The following STAU1 variants were observed in gnomAD, a reference collection of about 807,000 sequenced individuals.
STAU1 encodes double-stranded RNA-binding protein Staufen homolog 1.
In STAU1, 13 loss-of-function variants were observed where a neutral mutation model predicts 62.9. The ratio of observed to expected loss-of-function variants is 0.21; its 90% CI spans 0.13 to 0.33. The LOEUF is 0.33. Ranked by LOEUF, STAU1 falls within the 10% of genes least tolerant of loss-of-function variation. STAU1 has a pLI of 1.00. For missense variants in STAU1, 571 were observed against 712.1 expected (o/e 0.80, Z 2.25); for synonymous variants, 269 against 265.1 (o/e 1.01, Z -0.14).
the STAU1 span, among the ~76,000 whole-genome samples, chr20:49,204,224 A>T: frequency 6.6e-6 from 1 of 151,846 alleles, no homozygotes; most frequent in Non-Finnish European, 1.5e-5. Context: ...CCCAGGCTTA[A>T]GCAATCCTCC....
chr20:49,212,255 A>G, the STAU1 span, among the ~76,000 whole-genome samples: 1 of 152,094 alleles, frequency 6.6e-6, no homozygotes, highest in Admixed American at 6.6e-5. Context: ...TCCCAAAGTT[A>G]TGGGATTACA....
intron 5 of STAU1, among the ~76,000 whole-genome samples, chr20:49,148,522 G>A (rs571951036): frequency 1.3e-5 from 2 of 152,272 alleles, no homozygotes; most frequent in African/African-American, 4.8e-5. Flanking sequence ...CTTCAAATAA[G>A]TCTTTTCTGA....
At chr20:49,159,469 T>C (rs2093417394) in intron 3 of STAU1, among the ~76,000 whole-genome samples, 1 of 152,116 alleles carries the variant, frequency 6.6e-6, no homozygotes. Flanking sequence ...TAATAAAAAG[T>C]TAATAAAGGG....
In STAU1 at chr20:49,156,462, T is replaced by C. The variant is rs2093358189; in HGVS notation, c.206-2391A>G. On this transcript the variant is annotated intron_variant, in intron 3 of 13. Transcript: ENST00000371856. ...AGAAACCATTCATATACATACTACA[T>C]GGTACCTCTAGACACACTTTTGAAA... Among the ~76,000 whole-genome samples, 4 of 152,244 alleles carry C rather than the reference T, an allele frequency of 2.6e-5. No homozygotes were observed. The South Asian group carries it at 6.2e-4, about 24-fold the overall frequency.
At position 49,154,040 on chromosome 20, in the gene STAU1, T is replaced by C; in HGVS notation, c.237A>G (p.Ala79=). 1 of 1,610,834 alleles carries C rather than the reference T, an allele frequency of 6.2e-7. No homozygotes were observed. The highest frequency in any genetic ancestry group is 8.5e-7 in the Non-Finnish European group (1 of 1,179,258). ...GTTTTTTTCCAAGTTTCATGCACAG[T>C]GCATTTAGTTCTACAGTAGGGGTTA... ...ESITPTVELN[A]LCMKLGKKPM... is the part of the protein sequence containing the mutation. The change falls in exon 4 of 14, where the codon GCA becomes GCG. Residue 79 remains alanine (A), a synonymous_variant. Coordinates refer to ENST00000371856, the MANE Select transcript of STAU1 (RefSeq NM_017453.4).
intron 6 of STAU1, among the ~76,000 whole-genome samples, chr20:49,126,580 AAAAAAAAC>A (rs2092622662): frequency 8.7e-6 from 1 of 114,942 alleles, no homozygotes; most frequent in African/African-American, 3.3e-5. Context: ...AAAGCAAAAA[AAAAAAAAC>A]AAAAAAAAAA....
intron 2 of STAU1, among the ~76,000 whole-genome samples, chr20:49,170,785 GAAAAAAA>G (rs34699924): frequency 5.2e-5 from 7 of 135,774 alleles, no homozygotes; most frequent in Admixed American, 3.0e-4. Context: ...ATGTGTCTGG[GAAAAAAA>G]AAAAAAAAAA....
chr20:49,219,240 A>G, the STAU1 span: 7 of 1,114,374 alleles, frequency 6.3e-6, no homozygotes, highest in Non-Finnish European at 8.8e-6. Flanking sequence ...GCTTACCTAA[A>G]AAGCTCCGCC....
upstream of STAU1, among the ~76,000 whole-genome samples, chr20:49,189,844 C>T (rs964338314): frequency 2.6e-5 from 4 of 152,084 alleles, no homozygotes; most frequent in Admixed American, 6.6e-5. Context: ...CTCTTGCCAA[C>T]GGAATATAAA....
At chr20:49,173,184 A>G (rs1032290950) in intron 2 of STAU1, among the ~76,000 whole-genome samples, 6 of 144,614 alleles carry the variant, frequency 4.1e-5, no homozygotes, top group Admixed American at 1.4e-4. Flanking sequence ...TAGGCCGGGC[A>G]CAGTGGCTCA....
intron 5 of STAU1, among the ~76,000 whole-genome samples, chr20:49,142,943 C>G (rs986683280): frequency 6.6e-6 from 1 of 152,102 alleles, no homozygotes; most frequent in South Asian, 2.1e-4. Context: ...GCTGAGACTA[C>G]AGGTACATGC....
chr20:49,143,317 T>G (rs894321389), intron 5 of STAU1, among the ~76,000 whole-genome samples: 2 of 152,124 alleles, frequency 1.3e-5, no homozygotes, highest in African/African-American at 2.4e-5. Context: ...AGAGGCCAGG[T>G]GTGATAGCTC....
At chr20:49,137,853 T>G (rs12625869) in intron 5 of STAU1, among the ~76,000 whole-genome samples, 1 of 141,496 alleles carries the variant, frequency 7.1e-6, no homozygotes, top group African/African-American at 2.7e-5. Context: ...TTTTTTTTTG[T>G]ATCTTTAGCA....
intron 5 of STAU1, among the ~76,000 whole-genome samples, chr20:49,139,763 C>T (rs1312069814): frequency 6.6e-6 from 1 of 151,860 alleles, no homozygotes. Context: ...ACCACTCACA[C>T]CCATAAGGAT....
At position 49,170,390 on chromosome 20, in the gene STAU1, G is replaced by A. The variant is rs567082761; in HGVS notation, c.-85+3805C>T. Among the ~76,000 whole-genome samples, 8 of 152,206 alleles carry A rather than the reference G, an allele frequency of 5.3e-5. No individual in the cohort carries two copies. The South Asian group carries it at 1.2e-3, about 24-fold the overall frequency. ...TTTCTGGAGACAGTCTCACTCTGTC[G>A]TCCAGGTTGGAGTGCAGTGGCACGA... On this transcript the variant is annotated intron_variant, in intron 2 of 13. Transcript: ENST00000371856.
chr20:49,164,073 A>T (rs900474822), intron 3 of STAU1, among the ~76,000 whole-genome samples: 2 of 152,030 alleles, frequency 1.3e-5, no homozygotes, highest in Non-Finnish European at 2.9e-5. Context: ...CTCTACTAAA[A>T]ATACAAAACA....
intron 1 of STAU1, among the ~76,000 whole-genome samples, chr20:49,185,516 G>C (rs2093776165): frequency 6.6e-6 from 1 of 152,146 alleles, no homozygotes; most frequent in Non-Finnish European, 1.5e-5. Context: ...ACAAAAATGA[G>C]AACTATTATT....
intron 4 of STAU1, among the ~76,000 whole-genome samples, chr20:49,152,629 C>T (rs1568886601): frequency 6.6e-6 from 1 of 152,054 alleles, no homozygotes; most frequent in Non-Finnish European, 1.5e-5. Flanking sequence ...CGTGAGCCAC[C>T]ACACCTGGCC....
chr20:49,157,771 C>T (rs995952585), intron 3 of STAU1, among the ~76,000 whole-genome samples: 4 of 151,962 alleles, frequency 2.6e-5, no homozygotes, highest in African/African-American at 9.7e-5. Context: ...AGCCACCATG[C>T]CCGGCCCATA....
Sources: gnomAD v4.1 joint callset for allele counts (sites outside exome capture counted in the v4.1 genomes callset) on GRCh38, gnomAD v4.1.1 for gene constraint, MANE v1.5 for transcripts, NCBI Gene and HGNC (gene_info 2026-07-23, HGNC 2026-07-21) for gene names.